Variants in KLF12 observed in about 807,000 individuals in gnomAD.
The protein encoded by KLF12 is KLF transcription factor 12.
In KLF12, 9 loss-of-function variants were observed where a neutral mutation model predicts 37.8. That is an observed-to-expected ratio of 0.24 (90% CI 0.14 to 0.42). KLF12 has a LOEUF of 0.42. Ranked by LOEUF, KLF12 falls within the 10% of genes least tolerant of loss-of-function variation. KLF12 has a pLI of 1.00. For missense variants in KLF12, 411 were observed against 516.0 expected, an observed-to-expected ratio of 0.80 and a Z score of 1.97; for synonymous variants, 208 against 202.1, an observed-to-expected ratio of 1.03 and a Z score of -0.25.
At chr13:73,975,632 C>T (rs1056485470) in intron 2 of KLF12, among the ~76,000 whole-genome samples, 1 of 152,176 alleles carries the variant, frequency 6.6e-6, no homozygotes, top group Non-Finnish European at 1.5e-5. Flanking sequence ...TCCTCACAAA[C>T]ACACCTTCTT....
At chr13:73,903,452 A>G (rs1401600977) in intron 3 of KLF12, among the ~76,000 whole-genome samples, 1 of 152,252 alleles carries the variant, frequency 6.6e-6, no homozygotes, top group African/African-American at 2.4e-5. Flanking sequence ...AAACCTGGCT[A>G]TCTTTTCAGG....
At chr13:73,927,882 A>G (rs1357402262) in intron 3 of KLF12, among the ~76,000 whole-genome samples, 1 of 114,084 alleles carries the variant, frequency 8.8e-6, no homozygotes, top group East Asian at 2.6e-4. Flanking sequence ...TTTTTCAGAC[A>G]GAGTCTCACT....
At chr13:73,795,902 A>C (rs895364060) in intron 5 of KLF12, among the ~76,000 whole-genome samples, 2 of 152,216 alleles carry the variant, frequency 1.3e-5, no homozygotes, top group African/African-American at 4.8e-5. Flanking sequence ...TATGGATAAG[A>C]AGATAAAGAT....
chr13:74,020,591 T>TA (rs1199719830), intron 1 of KLF12, among the ~76,000 whole-genome samples: 1 of 152,060 alleles, frequency 6.6e-6, no homozygotes, highest in Non-Finnish European at 1.5e-5. Context: ...GACTTTTCCA[T>TA]AAAAATATGG....
At chr13:74,019,289 C>T (rs1278372415) in intron 1 of KLF12, among the ~76,000 whole-genome samples, 2 of 152,178 alleles carry the variant, frequency 1.3e-5, no homozygotes, top group African/African-American at 2.4e-5. Flanking sequence ...AACACTCAAA[C>T]TTTCATTACA....
At chr13:73,944,320 T>C (rs1209848228) in intron 2 of KLF12, among the ~76,000 whole-genome samples, 2 of 152,172 alleles carry the variant, frequency 1.3e-5, no homozygotes, top group Non-Finnish European at 2.9e-5. Flanking sequence ...CAGACTGTAA[T>C]AAACTGGAGT....
chr13:73,722,915 C>T (rs1876377326), intron 6 of KLF12, among the ~76,000 whole-genome samples: 1 of 152,024 alleles, frequency 6.6e-6, no homozygotes, highest in Admixed American at 6.6e-5. Context: ...AAGGGGTGCC[C>T]TGGGGATGGA....
the KLF12 span, among the ~76,000 whole-genome samples, chr13:74,151,098 GT>G: frequency 6.6e-6 from 1 of 152,152 alleles, no homozygotes; most frequent in Admixed American, 6.5e-5. Context: ...TAGGCAATAA[GT>G]TTTTTAGCGG....
At chr13:74,055,839 G>A (rs1172719550) in intron 1 of KLF12, among the ~76,000 whole-genome samples, 2 of 152,182 alleles carry the variant, frequency 1.3e-5, no homozygotes, top group African/African-American at 4.8e-5. Flanking sequence ...CAGGATAAAC[G>A]GAGGCATGTA....
At chr13:74,299,410 T>A in the KLF12 span, among the ~76,000 whole-genome samples, 2 of 152,214 alleles carry the variant, frequency 1.3e-5, no homozygotes, top group African/African-American at 2.4e-5. Flanking sequence ...TTTTATTTGC[T>A]TACTTCATAA....
intron 2 of KLF12, among the ~76,000 whole-genome samples, chr13:73,970,389 T>C (rs556985972): frequency 1.2e-4 from 19 of 152,058 alleles, no homozygotes; most frequent in Admixed American, 1.0e-3. Flanking sequence ...TATGTCTTAG[T>C]GCAATGATGG....
chr13:74,277,348 C>T, the KLF12 span, among the ~76,000 whole-genome samples: 2 of 152,124 alleles, frequency 1.3e-5, no homozygotes, highest in Non-Finnish European at 2.9e-5. Context: ...TTTGTGAAGT[C>T]TTCTTGACCT....
chr13:74,191,727 A>T, the KLF12 span, among the ~76,000 whole-genome samples: 3 of 152,068 alleles, frequency 2.0e-5, no homozygotes, highest in African/African-American at 7.2e-5. Context: ...ATTCCTTAGC[A>T]CCCTTGAAAA....
intron 1 of KLF12, among the ~76,000 whole-genome samples, chr13:74,056,708 C>T (rs1295180973): frequency 6.6e-6 from 1 of 152,148 alleles, no homozygotes; most frequent in African/African-American, 2.4e-5. Context: ...CCCAACTCAT[C>T]TAAAATCTAC....
intron 6 of KLF12, among the ~76,000 whole-genome samples, chr13:73,740,102 T>C (rs1292138576): frequency 6.6e-6 from 1 of 152,188 alleles, no homozygotes; most frequent in African/African-American, 2.4e-5. Flanking sequence ...GTTTTTTAAA[T>C]TTTCACAGCA....
intron 2 of KLF12, among the ~76,000 whole-genome samples, chr13:73,969,314 C>T (rs1339379970): frequency 6.6e-6 from 1 of 152,168 alleles, no homozygotes; most frequent in Non-Finnish European, 1.5e-5. Flanking sequence ...TTATAAAGCC[C>T]ATGGGGCTGG....
chr13:74,245,397 A>G, the KLF12 span, among the ~76,000 whole-genome samples: 1 of 152,192 alleles, frequency 6.6e-6, no homozygotes, highest in African/African-American at 2.4e-5. Context: ...CTATGGGAGT[A>G]GATGAAATTG....
intron 3 of KLF12, among the ~76,000 whole-genome samples, chr13:73,895,926 T>C (rs542208535): frequency 6.6e-6 from 1 of 152,096 alleles, no homozygotes; most frequent in Admixed American, 6.5e-5. Flanking sequence ...ATTCAAGTGA[T>C]TCTCCTACCT....
the KLF12 span, among the ~76,000 whole-genome samples, chr13:74,304,943 C>T: frequency 1.1e-3 from 170 of 152,160 alleles, 2 homozygotes; most frequent in Admixed American, 9.3e-3. Flanking sequence ...TTCTTCCACA[C>T]GCTTATTTAA....
Sources: gnomAD v4.1 joint callset for allele counts (sites outside exome capture counted in the v4.1 genomes callset) on GRCh38, gnomAD v4.1.1 for gene constraint, MANE v1.5 for transcripts, NCBI Gene and HGNC (gene_info 2026-07-23, HGNC 2026-07-21) for gene names.